Variants in RSPO3 observed in about 807,000 individuals in gnomAD.
The protein encoded by RSPO3 is R-spondin 3.
A neutral mutation model predicts 36.5 loss-of-function variants in RSPO3; 17 were observed. The observed-to-expected ratio is 0.47, with a 90% confidence interval of 0.32 to 0.70. The LOEUF is 0.70. Ranked by LOEUF, RSPO3 falls within the 30% of genes least tolerant of loss-of-function variation. The pLI is 0.04. For synonymous variants in RSPO3, 108 were observed against 107.0 expected (o/e 1.01, Z -0.06); for missense variants, 294 against 322.5 (o/e 0.91, Z 0.68).
At chr6:127,143,230 TTC>T (rs2114571235) in intron 1 of RSPO3, among the ~76,000 whole-genome samples, 1 of 152,280 alleles carries the variant, frequency 6.6e-6, no homozygotes, top group South Asian at 2.1e-4. Context: ...TTATCTCAAA[TTC>T]CTGAATCTAT....
intron 4 of RSPO3, among the ~76,000 whole-genome samples, chr6:127,175,449 C>CT (rs1942861057): frequency 6.6e-6 from 1 of 151,718 alleles, no homozygotes; most frequent in South Asian, 2.1e-4. Flanking sequence ...TATGGTTAAT[C>CT]TACCACCACC....
At chr6:127,123,521 C>T (rs1582782309) in intron 1 of RSPO3, among the ~76,000 whole-genome samples, 1 of 152,104 alleles carries the variant, frequency 6.6e-6, no homozygotes, top group African/African-American at 2.4e-5. Context: ...TTTGTGAACT[C>T]AAATTTAATC....
chr6:127,143,681 T>G (rs781311196), intron 1 of RSPO3, among the ~76,000 whole-genome samples: 1 of 152,204 alleles, frequency 6.6e-6, no homozygotes, highest in African/African-American at 2.4e-5. Context: ...TCAGCAGTAA[T>G]TGGCAGCATG....
chr6:127,183,657 C>T (rs80169341), intron 4 of RSPO3, among the ~76,000 whole-genome samples: 1 of 152,132 alleles, frequency 6.6e-6, no homozygotes, highest in East Asian at 1.9e-4. Flanking sequence ...AGTTCTCAGG[C>T]TCTTGCCAAA....
At chr6:127,192,439 A>G (rs1039264162) in intron 4 of RSPO3, among the ~76,000 whole-genome samples, 6 of 152,180 alleles carry the variant, frequency 3.9e-5, no homozygotes, top group Admixed American at 3.9e-4. Flanking sequence ...TATATCAGAG[A>G]GTTAATCCTG....
chr6:127,131,802 G>T (rs1774063607), intron 1 of RSPO3, among the ~76,000 whole-genome samples: 1 of 152,086 alleles, frequency 6.6e-6, no homozygotes, highest in African/African-American at 2.4e-5. Flanking sequence ...AGCACCTTGA[G>T]AACCATTGCA....
At chr6:127,178,797 T>G (rs902992762) in intron 4 of RSPO3, among the ~76,000 whole-genome samples, 1 of 151,822 alleles carries the variant, frequency 6.6e-6, no homozygotes, top group Non-Finnish European at 1.5e-5. Context: ...TCTGACATAA[T>G]ACAGCATCCC....
At chr6:127,141,037 C>A (rs1445085902) in intron 1 of RSPO3, among the ~76,000 whole-genome samples, 2 of 152,200 alleles carry the variant, frequency 1.3e-5, no homozygotes, top group African/African-American at 2.4e-5. Flanking sequence ...TCATTACAAT[C>A]TTTAATCATT....
At chr6:127,180,515 A>AAAAAAAAAAATTAG (rs1775162612) in intron 4 of RSPO3, among the ~76,000 whole-genome samples, 1 of 136,860 alleles carries the variant, frequency 7.3e-6, no homozygotes, top group Non-Finnish European at 1.6e-5. Flanking sequence ...AAAAAAAAAA[A>AAAAAAAAAAATTAG]CCACCAGATC....
intron 4 of RSPO3, among the ~76,000 whole-genome samples, chr6:127,188,245 C>G (rs1358666276): frequency 1.3e-5 from 2 of 152,052 alleles, no homozygotes; most frequent in Non-Finnish European, 2.9e-5. Context: ...TTGTAAAGGC[C>G]TATTGGCAAT....
chr6:127,161,656 G>A (rs528632038), intron 4 of RSPO3, among the ~76,000 whole-genome samples: 17 of 152,236 alleles, frequency 1.1e-4, no homozygotes, highest in Middle Eastern at 3.4e-3. Flanking sequence ...TAATTGGTGT[G>A]TACCTCAGCA....
chr6:127,155,555 T>C, intron 4 of RSPO3, 117 bp downstream of exon 4: 1 of 960,662 alleles, frequency 1.0e-6, no homozygotes, highest in Non-Finnish European at 1.6e-6. Flanking sequence ...CTAAAATGTG[T>C]ACCAAGCAAG....
chr6:127,131,936 G>C (rs1238936840), intron 1 of RSPO3, among the ~76,000 whole-genome samples: 1 of 152,144 alleles, frequency 6.6e-6, no homozygotes, highest in Non-Finnish European at 1.5e-5. Flanking sequence ...AGCAAATGGA[G>C]AGTCATTTTT....
intron 1 of RSPO3, among the ~76,000 whole-genome samples, chr6:127,140,603 A>T (rs1457737826): frequency 1.1e-4 from 16 of 152,206 alleles, no homozygotes; most frequent in Admixed American, 8.5e-4. Flanking sequence ...CTGTTCCAAG[A>T]TCCATAAAAT....
At position 127,190,042 on chromosome 6, in the gene RSPO3, C is replaced by T. The variant is rs1269126422; in HGVS notation, c.635-5781C>T. ...ATATAGGCCTGTAAATATGTATCTA[C>T]ACAATACATTATAATTGCCCCCACA... On this transcript the variant is annotated intron_variant, in intron 4 of 4. Coordinates refer to ENST00000356698, the MANE Select transcript of RSPO3 (RefSeq NM_032784.5). Among the ~76,000 whole-genome samples the T allele has an allele frequency of 2.0e-5, 3 of 152,092 alleles. No individual in the cohort carries two copies. The East Asian group carries it at 5.8e-4, about 29-fold the overall frequency.
intron 4 of RSPO3, among the ~76,000 whole-genome samples, chr6:127,191,664 T>A (rs1775411768): frequency 6.6e-6 from 1 of 152,196 alleles, no homozygotes; most frequent in Admixed American, 6.5e-5. Context: ...GGCTCAAAAA[T>A]ACCAACCACT....
At chr6:127,187,765 A>G (rs1312833508) in intron 4 of RSPO3, among the ~76,000 whole-genome samples, 1 of 152,216 alleles carries the variant, frequency 6.6e-6, no homozygotes, top group African/African-American at 2.4e-5. Flanking sequence ...ACCAAAAAGC[A>G]GTTGATACAA....
chr6:127,169,207 G>A (rs1313553833), intron 4 of RSPO3, among the ~76,000 whole-genome samples: 1 of 151,238 alleles, frequency 6.6e-6, no homozygotes, highest in African/African-American at 2.4e-5. Flanking sequence ...CCAGCATCTG[G>A]GTTTTTTTTT....
At chr6:127,130,946 T>G (rs781472834) in intron 1 of RSPO3, among the ~76,000 whole-genome samples, 2 of 152,082 alleles carry the variant, frequency 1.3e-5, no homozygotes, top group Non-Finnish European at 2.9e-5. Flanking sequence ...CACACTCTCA[T>G]TTCATGCCAT....
Sources: allele counts gnomAD v4.1 joint callset (sites outside exome capture counted in the v4.1 genomes callset), GRCh38; gene constraint gnomAD v4.1.1; transcripts MANE v1.5; gene names NCBI Gene and HGNC (gene_info 2026-07-23, HGNC 2026-07-21).